TUSC3: variants seen among roughly 807,000 people sequenced by gnomAD.
The protein encoded by TUSC3 is tumor suppressor candidate 3.
In TUSC3, 45 loss-of-function variants were observed where a neutral mutation model predicts 44.8. That is an observed-to-expected ratio of 1.00 (90% CI 0.79 to 1.29). The LOEUF (loss-of-function observed/expected upper bound fraction) is 1.29. Among genes scored for constraint, TUSC3 ranks in the 50% most tolerant of loss-of-function variants. The pLI, the probability that TUSC3 is intolerant of heterozygous loss-of-function variation, is 0.00. For synonymous variants in TUSC3, 212 were observed against 152.9 expected (o/e 1.39, Z -2.85); for missense variants, 519 against 437.9 (o/e 1.19, Z -1.65).
chr8:15,660,921 AC>A (rs1302751338), intron 4 of TUSC3, among the ~76,000 whole-genome samples: 19 of 150,328 alleles, frequency 1.3e-4, no homozygotes, highest in African/African-American at 4.4e-4. Flanking sequence ...AAAAAAAAAA[AC>A]CCATAAAACT....
At chr8:15,742,131 T>C (rs539658477) in intron 7 of TUSC3, among the ~76,000 whole-genome samples, 8 of 148,694 alleles carry the variant, frequency 5.4e-5, no homozygotes, top group Admixed American at 4.7e-4. Flanking sequence ...ACTGCCTACA[T>C]GATTGAAAGG....
the TUSC3 span, among the ~76,000 whole-genome samples, chr8:15,835,202 A>G: frequency 3.9e-5 from 6 of 152,176 alleles, no homozygotes; most frequent in Non-Finnish European, 8.8e-5. Flanking sequence ...AAAGAAAATC[A>G]TCCTTTACAT....
At chr8:15,507,431 T>A (rs537700952) in intron 2 of TUSC3, among the ~76,000 whole-genome samples, 29 of 152,308 alleles carry the variant, frequency 1.9e-4, no homozygotes, top group African/African-American at 7.0e-4. Context: ...GAAAGTGGAA[T>A]ATTTGCTAAA....
At chr8:15,718,671 C>T (rs1358817875) in intron 6 of TUSC3, among the ~76,000 whole-genome samples, 3 of 151,988 alleles carry the variant, frequency 2.0e-5, no homozygotes, top group Admixed American at 6.6e-5. Context: ...ATACAATTTA[C>T]CATTTTGGTG....
chr8:15,603,868 A>G (rs1283050113), intron 1 of TUSC3, among the ~76,000 whole-genome samples: 1 of 151,472 alleles, frequency 6.6e-6, no homozygotes, highest in Non-Finnish European at 1.5e-5. Flanking sequence ...CCCTTTTTCA[A>G]GTTTATCACC....
At chr8:15,740,091 A>G (rs937283797) in intron 7 of TUSC3, among the ~76,000 whole-genome samples, 1 of 152,168 alleles carries the variant, frequency 6.6e-6, no homozygotes, top group African/African-American at 2.4e-5. Flanking sequence ...ACAATTTTAT[A>G]ATAAAAAAAA....
intron 5 of TUSC3, among the ~76,000 whole-genome samples, chr8:15,665,976 A>G (rs936951701): frequency 1.3e-5 from 2 of 151,546 alleles, no homozygotes; most frequent in Admixed American, 6.6e-5. Flanking sequence ...ATGGTGGACA[A>G]TAAGCATATA....
At chr8:15,739,202 C>G (rs1811073279) in intron 7 of TUSC3, among the ~76,000 whole-genome samples, 1 of 151,998 alleles carries the variant, frequency 6.6e-6, no homozygotes, top group Admixed American at 6.6e-5. Context: ...AAAAATATCT[C>G]ATATGTTATA....
At chr8:15,848,871 T>C in the TUSC3 span, among the ~76,000 whole-genome samples, 1 of 152,220 alleles carries the variant, frequency 6.6e-6, no homozygotes, top group Non-Finnish European at 1.5e-5. Flanking sequence ...CTTCCTCTTT[T>C]AAATTGTAGA....
intron 6 of TUSC3, among the ~76,000 whole-genome samples, chr8:15,704,620 A>C (rs1435950390): frequency 7.1e-6 from 1 of 140,536 alleles, no homozygotes; most frequent in Non-Finnish European, 1.5e-5. Flanking sequence ...ACACATAAAT[A>C]CCAACTAAAG....
intron 1 of TUSC3, among the ~76,000 whole-genome samples, chr8:15,563,289 C>G (rs1448670853): frequency 6.6e-6 from 1 of 152,074 alleles, no homozygotes; most frequent in Non-Finnish European, 1.5e-5. Context: ...ATCTCTATGT[C>G]TCTCGATTTA....
At chr8:15,597,382 C>T (rs1249623467) in intron 1 of TUSC3, among the ~76,000 whole-genome samples, 1 of 152,072 alleles carries the variant, frequency 6.6e-6, no homozygotes, top group African/African-American at 2.4e-5. Flanking sequence ...GCCAGTTGGA[C>T]ACTGCATTCT....
At chr8:15,700,968 C>G (rs1055513290) in intron 6 of TUSC3, among the ~76,000 whole-genome samples, 1 of 148,810 alleles carries the variant, frequency 6.7e-6, no homozygotes, top group African/African-American at 2.5e-5. Context: ...GGTCCCTATT[C>G]TGTGTGCTTT....
intron 6 of TUSC3, among the ~76,000 whole-genome samples, chr8:15,674,681 T>C (rs1302176603): frequency 6.6e-6 from 1 of 151,898 alleles, no homozygotes; most frequent in Non-Finnish European, 1.5e-5. Flanking sequence ...TTTGGGAACA[T>C]TTTCAGATTT....
intron 2 of TUSC3, among the ~76,000 whole-genome samples, chr8:15,636,451 A>G (rs983788770): frequency 2.6e-5 from 4 of 152,180 alleles, no homozygotes; most frequent in Admixed American, 1.3e-4. Flanking sequence ...CATCAGATCC[A>G]AGTAGACCAA....
intron 2 of TUSC3, among the ~76,000 whole-genome samples, chr8:15,516,724 A>G (rs1490011712): frequency 6.6e-6 from 1 of 152,228 alleles, no homozygotes; most frequent in African/African-American, 2.4e-5. Context: ...CCTATGAAAT[A>G]TAAAAGGTCA....
At chr8:15,510,689 C>G (rs1309476613) in intron 2 of TUSC3, among the ~76,000 whole-genome samples, 1 of 152,064 alleles carries the variant, frequency 6.6e-6, no homozygotes, top group African/African-American at 2.4e-5. Flanking sequence ...TTTACACAAA[C>G]TGTTCCTGAA....
chr8:15,741,007 G>C (rs1585289538), intron 7 of TUSC3, among the ~76,000 whole-genome samples: 1 of 152,136 alleles, frequency 6.6e-6, no homozygotes, highest in Non-Finnish European at 1.5e-5. Flanking sequence ...TTTCAACATT[G>C]TAACAATACA....
chr8:15,426,667 T>C (rs1192223709), intron 1 of TUSC3, among the ~76,000 whole-genome samples: 1 of 152,236 alleles, frequency 6.6e-6, no homozygotes, highest in African/African-American at 2.4e-5. Context: ...TTCCATAACT[T>C]AGCTTCATGA....
Sources: gnomAD v4.1 joint callset for allele counts (sites outside exome capture counted in the v4.1 genomes callset) on GRCh38, gnomAD v4.1.1 for gene constraint, MANE v1.5 for transcripts, NCBI Gene and HGNC (gene_info 2026-07-23, HGNC 2026-07-21) for gene names.